Variants in DAB1 observed in about 807,000 individuals in gnomAD.
The protein encoded by DAB1 is DAB adaptor protein 1.
A neutral mutation model predicts 64.6 loss-of-function variants in DAB1; 15 were observed. That is an observed-to-expected ratio of 0.23 (90% CI 0.16 to 0.36). DAB1 has a LOEUF of 0.36. Among genes scored for constraint, DAB1 ranks in the 10% least tolerant of loss-of-function variants. The pLI is 1.00. For missense variants in DAB1, 596 were observed against 706.7 expected (o/e 0.84, Z 1.78); for synonymous variants, 235 against 251.9 (o/e 0.93, Z 0.64).
chr1:57,719,232 C>T (rs1204353470), intron 6 of DAB1, among the ~76,000 whole-genome samples: 1 of 152,132 alleles, frequency 6.6e-6, no homozygotes, highest in African/African-American at 2.4e-5. Context: ...CCACAAATAA[C>T]CACAACATTG....
chr1:57,339,949 T>A (rs1677435530), intron 1 of DAB1, among the ~76,000 whole-genome samples: 1 of 151,978 alleles, frequency 6.6e-6, no homozygotes, highest in East Asian at 1.9e-4. Context: ...GGGAGGTTTG[T>A]GGAGATAGCA....
intron 4 of DAB1, chr1:58,228,618 C>A: frequency 1.4e-6 from 1 of 709,918 alleles, no homozygotes; most frequent in Non-Finnish European, 2.3e-6. Context: ...CCAGATATGC[C>A]CCCTTGTGCG....
At chr1:57,565,916 C>T (rs1206169971) in intron 7 of DAB1, among the ~76,000 whole-genome samples, 1 of 152,178 alleles carries the variant, frequency 6.6e-6, no homozygotes, top group Non-Finnish European at 1.5e-5. Context: ...CAGCTCTGCA[C>T]CAAGCAGACC....
chr1:57,970,632 T>G (rs938828043), intron 5 of DAB1, among the ~76,000 whole-genome samples: 3 of 152,182 alleles, frequency 2.0e-5, no homozygotes, highest in African/African-American at 7.2e-5. Flanking sequence ...TTAATCAACA[T>G]GAATAAGAAA....
chr1:57,344,481 G>A (rs1450340657), intron 1 of DAB1, among the ~76,000 whole-genome samples: 3 of 152,132 alleles, frequency 2.0e-5, no homozygotes, highest in South Asian at 2.1e-4. Context: ...GTTTGAATGA[G>A]GACTGTCAGT....
intron 5 of DAB1, 34 bp from the exon 6 acceptor site, chr1:57,071,675 G>A (rs1651480906): frequency 6.2e-7 from 1 of 1,604,262 alleles, no homozygotes; most frequent in African/African-American, 1.3e-5. Context: ...CATCATAAGG[G>A]AATGGTACTG....
chr1:58,141,380 T>C (rs1006202648), intron 5 of DAB1, among the ~76,000 whole-genome samples: 2 of 151,956 alleles, frequency 1.3e-5, no homozygotes, highest in Non-Finnish European at 2.9e-5. Context: ...TTATTCACTA[T>C]CACGAGAACA....
chr1:57,514,561 G>A (rs2101359097), intron 7 of DAB1, among the ~76,000 whole-genome samples: 1 of 152,286 alleles, frequency 6.6e-6, no homozygotes, highest in Non-Finnish European at 1.5e-5. Flanking sequence ...ACAGTGTCAG[G>A]CACATAGCTA....
intron 1 of DAB1, among the ~76,000 whole-genome samples, chr1:57,392,746 G>A (rs1379376716): frequency 6.6e-6 from 1 of 152,208 alleles, no homozygotes; most frequent in Non-Finnish European, 1.5e-5. Flanking sequence ...ACTTCTGAGA[G>A]GAACTGGCAT....
intron 3 of DAB1, among the ~76,000 whole-genome samples, chr1:58,353,925 G>A (rs1644082753): frequency 6.6e-6 from 1 of 152,130 alleles, no homozygotes; most frequent in African/African-American, 2.4e-5. Context: ...GAATGTCTAG[G>A]TGCATTTTTG....
chr1:57,633,362 C>A (rs184840796), intron 7 of DAB1, among the ~76,000 whole-genome samples: 1 of 152,204 alleles, frequency 6.6e-6, no homozygotes, highest in Non-Finnish European at 1.5e-5. Flanking sequence ...CGGGATGAAG[C>A]CTGAGTTTCT....
At chr1:58,411,545 T>A (rs552555485) in intron 3 of DAB1, among the ~76,000 whole-genome samples, 1 of 152,246 alleles carries the variant, frequency 6.6e-6, no homozygotes, top group African/African-American at 2.4e-5. Flanking sequence ...GGCAGTGACC[T>A]CTAAGTGAGA....
intron 7 of DAB1, among the ~76,000 whole-genome samples, chr1:57,497,051 G>A (rs1644239014): frequency 2.0e-5 from 3 of 152,114 alleles, no homozygotes; most frequent in Non-Finnish European, 2.9e-5. Context: ...ACTCTGTTCA[G>A]AAAGTTCTTC....
At chr1:57,990,141 T>C (rs1239124810) in intron 5 of DAB1, among the ~76,000 whole-genome samples, 1 of 152,244 alleles carries the variant, frequency 6.6e-6, no homozygotes, top group Non-Finnish European at 1.5e-5. Context: ...GAGTGTCTCC[T>C]CAGCTCCCAG....
At chr1:58,077,692 T>G (rs1649740872) in intron 5 of DAB1, among the ~76,000 whole-genome samples, 1 of 152,170 alleles carries the variant, frequency 6.6e-6, no homozygotes, top group South Asian at 2.1e-4. Context: ...ACCCCACTAT[T>G]CCTCAAACCC....
At chr1:58,231,070 T>A (rs1011018431) in intron 4 of DAB1, among the ~76,000 whole-genome samples, 1 of 152,262 alleles carries the variant, frequency 6.6e-6, no homozygotes, top group African/African-American at 2.4e-5. Flanking sequence ...TTGTGAGGAC[T>A]AAATTAGTTA....
At chr1:58,294,425 A>C (rs1255951796) in intron 4 of DAB1, among the ~76,000 whole-genome samples, 1 of 152,178 alleles carries the variant, frequency 6.6e-6, no homozygotes, top group African/African-American at 2.4e-5. Flanking sequence ...GAGCTAAGAA[A>C]TATTCATAGA....
intron 5 of DAB1, among the ~76,000 whole-genome samples, chr1:57,905,563 T>C (rs968431266): frequency 6.6e-6 from 1 of 152,130 alleles, no homozygotes; most frequent in Non-Finnish European, 1.5e-5. Context: ...AAGAGCTATA[T>C]TTCAGAACTG....
chr1:57,421,267 G>C (rs1684860088), intron 1 of DAB1, among the ~76,000 whole-genome samples: 1 of 152,268 alleles, frequency 6.6e-6, no homozygotes, highest in Admixed American at 6.5e-5. Flanking sequence ...TCTTGCAAAT[G>C]AAACATACTG....
Sources: gnomAD v4.1 joint callset for allele counts (sites outside exome capture counted in the v4.1 genomes callset) on GRCh38, gnomAD v4.1.1 for gene constraint, MANE v1.5 for transcripts, NCBI Gene and HGNC (gene_info 2026-07-23, HGNC 2026-07-21) for gene names.